The following SIRT2 variants were observed in gnomAD, a reference collection of about 807,000 sequenced individuals.
SIRT2 encodes the protein NAD-dependent protein deacetylase sirtuin-2.
Under a neutral mutation model 57.4 loss-of-function variants are expected in SIRT2, and 40 were observed. The ratio of observed to expected loss-of-function variants is 0.70; its 90% CI spans 0.54 to 0.91. SIRT2 has a LOEUF of 0.91. Among genes scored for constraint, SIRT2 ranks in the 40% least tolerant of loss-of-function variants. The pLI is 0.00. For missense variants in SIRT2, 439 were observed against 510.4 expected (o/e 0.86, Z 1.35); for synonymous variants, 161 against 195.7 (o/e 0.82, Z 1.48).
At chr19:38,893,731 G>A (rs903174115) in intron 3 of SIRT2, 88 bp downstream of exon 3, 2 of 1,490,654 alleles carry the variant, frequency 1.3e-6, no homozygotes. Context: ...ACTCCTGATG[G>A]AGTTGAGGAG....
intron 1 of SIRT2, chr19:38,898,786 T>C (rs951136419): frequency 9.3e-6 from 2 of 214,498 alleles, no homozygotes; most frequent in South Asian, 3.2e-4. Flanking sequence ...TTTCTGGCCC[T>C]GACTTACTTT....
intron 8 of SIRT2, 105 bp from the exon 9 acceptor site, chr19:38,883,861 G>A: frequency 8.0e-7 from 1 of 1,253,754 alleles, no homozygotes; most frequent in South Asian, 1.3e-5. Flanking sequence ...GAGGTGGTGG[G>A]GACAGGTGGA....
chr19:38,898,711 C>A, intron 1 of SIRT2: 1 of 330,802 alleles, frequency 3.0e-6, no homozygotes, highest in Non-Finnish European at 5.5e-6. Flanking sequence ...TCTTGAACTC[C>A]TGGGCTCAAG....
At chr19:38,879,901 C>A in intron 13 of SIRT2, 199 bp from the exon 14 acceptor site, 3 of 571,500 alleles carry the variant, frequency 5.2e-6, no homozygotes, top group Non-Finnish European at 9.4e-6. Context: ...TCTCGGCTCA[C>A]TGCAACCTCC....
intron 2 of SIRT2, among the ~76,000 whole-genome samples, chr19:38,895,575 G>A (rs903072827): frequency 2.0e-5 from 3 of 152,184 alleles, no homozygotes; most frequent in Admixed American, 6.5e-5. Context: ...ACTGCTCTGC[G>A]TCCAAGTCTT....
At chr19:38,895,405 G>A (rs1281734087) in intron 2 of SIRT2, among the ~76,000 whole-genome samples, 1 of 152,180 alleles carries the variant, frequency 6.6e-6, no homozygotes. Context: ...GCCCAGCACT[G>A]AGAACAGGGT....
At chr19:38,893,956 G>A in intron 2 of SIRT2, 89 bp from the exon 3 acceptor site, 1 of 1,592,156 alleles carries the variant, frequency 6.3e-7, no homozygotes, top group Non-Finnish European at 8.6e-7. Context: ...GGAAAAGGCT[G>A]TGGCAGGAAG....
In SIRT2 at chr19:38,889,247, G is replaced by C; in HGVS notation, c.433-92C>G. ...AGGAACTGTTCTAGGCACTGTGACT[G>C]TTTTACCCCCAGGGAACCGTCACAG... On this transcript the variant is annotated intron_variant, in intron 7 of 15. Coordinates refer to ENST00000249396, the MANE Select transcript of SIRT2 (RefSeq NM_012237.4). 5 of 1,217,174 alleles carry C rather than the reference G, an allele frequency of 4.1e-6. 1 individual carries two copies. In the South Asian group the frequency reaches 4.9e-5, roughly 12 times the overall value. 75.4% of individuals were successfully genotyped at this position (1,217,174 alleles called of 1,614,324 possible). A position where few individuals can be genotyped will look rare whatever the true frequency, so the allele number is the denominator to read the frequency against.
chr19:38,889,150 G>A lies in SIRT2; in HGVS notation c.438C>T (p.Thr146=), dbSNP rs773515869. 1 of 1,613,056 alleles carries A rather than the reference G, an allele frequency of 6.2e-7. No homozygotes were observed. The highest frequency in any genetic ancestry group is 8.5e-7 in the Non-Finnish European group (1 of 1,179,992). ...KELYPGQFKP[T]ICHYFMRLLK... ...GCAGGCGCATGAAGTAGTGACAGATGGTTGGCTGCAGGGAAGAGCGACAGC... is the reference window on the plus strand; with the variant it reads ...GCAGGCGCATGAAGTAGTGACAGATAGTTGGCTGCAGGGAAGAGCGACAGC... Residue 146 remains threonine, a synonymous_variant, in exon 8 of 16, where the codon ACC becomes ACT. Transcript: ENST00000249396.
chr19:38,893,645 G>A, intron 3 of SIRT2, 118 bp from the exon 4 acceptor site: 1 of 1,157,442 alleles, frequency 8.6e-7, no homozygotes, highest in Non-Finnish European at 1.3e-6. Flanking sequence ...AAGGCACAAG[G>A]CCCGGCCCAG....
At chr19:38,899,375 C>A (rs1046663925) in intron 1 of SIRT2, 131 bp downstream of exon 1, 3 of 993,218 alleles carry the variant, frequency 3.0e-6, no homozygotes, top group Admixed American at 2.1e-5. Flanking sequence ...TAAGCAACAG[C>A]CCTCAGAATC....
chr19:38,897,463 C>A (rs1471449018), intron 2 of SIRT2, among the ~76,000 whole-genome samples: 2 of 152,086 alleles, frequency 1.3e-5, no homozygotes, highest in Non-Finnish European at 2.9e-5. Context: ...TGGCTAGAAT[C>A]TTCTTTGACC....
In SIRT2 at chr19:38,889,867, G is replaced by T; in HGVS notation, c.363C>A (p.Ile121=). The T allele has an allele frequency of 2.5e-6, 4 of 1,613,902 alleles. No individual in the cohort carries two copies. The highest frequency in any genetic ancestry group is 3.4e-6 in the Non-Finnish European group (4 of 1,179,802). Residue 121 remains isoleucine (I), a synonymous_variant, in exon 6 of 16, where the codon ATC becomes ATA. Transcript: ENST00000249396. ...GGGGAGCACAAACCTTGAAATAGCTGATCTCAAAGATGGCCTCTGGGTAGG... is the reference window on the plus strand; with the variant it reads ...GGGGAGCACAAACCTTGAAATAGCTTATCTCAAAGATGGCCTCTGGGTAGG... ...HLPYPEAIFE[I]SYFKKHPEPF...
chr19:38,898,470 A>AG (rs755911965), intron 1 of SIRT2, 45 bp from the exon 2 acceptor site: 13 of 1,338,810 alleles, frequency 9.7e-6, no homozygotes, highest in South Asian at 1.6e-5. Flanking sequence ...AGAACGATTA[A>AG]GGGGGGAATA....
chr19:38,882,583 C>T (rs1162025064), intron 9 of SIRT2, among the ~76,000 whole-genome samples: 1 of 151,614 alleles, frequency 6.6e-6, no homozygotes, highest in African/African-American at 2.4e-5. Flanking sequence ...TTGCAGTGAG[C>T]CGAGATTGCA....
At chr19:38,883,325 G>C (rs1316291706) in intron 9 of SIRT2, among the ~76,000 whole-genome samples, 1 of 151,794 alleles carries the variant, frequency 6.6e-6, no homozygotes, top group African/African-American at 2.4e-5. Context: ...CTGACCTCAG[G>C]TGATCTGCCC....
At chr19:38,895,024 G>A (rs1256284544) in intron 2 of SIRT2, among the ~76,000 whole-genome samples, 1 of 151,416 alleles carries the variant, frequency 6.6e-6, no homozygotes, top group Non-Finnish European at 1.5e-5. Flanking sequence ...ATCTCAATGC[G>A]ATCGTACTGT....
rs944648312 is a variant in SIRT2, at chr19:38,879,285, C to T, written c.1040G>A (p.Arg347Lys). ...WKKELEDLVRREHASIDAQSG... is the reference protein window; with the variant it reads ...WKKELEDLVRKEHASIDAQSG... ...CTGGGCATCTATGCTGGCGTGCTCC[C>T]TCCGGACAAGGTCCTCCAGCTCCTT... Residue 347 changes from arginine (R) to lysine (K), a missense_variant, in exon 16 of 16, where the codon AGG becomes AAG. Transcript: ENST00000249396. 4.3e-6 allele frequency: 7 copies of T among 1,613,258 alleles called. No individual in the cohort carries two copies. In the African/African-American group the frequency reaches 8.0e-5, roughly 18 times the overall value.
intron 2 of SIRT2, chr19:38,894,500 G>A (rs1311456925): frequency 4.1e-6 from 1 of 241,160 alleles, no homozygotes; most frequent in Non-Finnish European, 8.2e-6. Context: ...GAAGTGCTTG[G>A]TAAGCGCTGG....
Sources: gnomAD v4.1 joint callset for allele counts (sites outside exome capture counted in the v4.1 genomes callset) on GRCh38, gnomAD v4.1.1 for gene constraint, MANE v1.5 for transcripts, NCBI Gene and HGNC (gene_info 2026-07-23, HGNC 2026-07-21) for gene names.